EFL1: variants seen among roughly 807,000 people sequenced by gnomAD.
EFL1 encodes the protein elongation factor-like GTPase 1.
EFL1 carries 76 observed loss-of-function variants against 126.7 expected under a neutral mutation model. The observed-to-expected ratio is 0.60, with a 90% CI of 0.50 to 0.73. The LOEUF (loss-of-function observed/expected upper bound fraction) is 0.73, where lower values mean the gene tolerates loss of function less well. EFL1 is among the 30% of genes least tolerant of loss of function. EFL1 has a pLI of 0.00. For synonymous variants in EFL1, 410 were observed against 448.4 expected (o/e 0.91, Z 1.08); for missense variants, 1,128 against 1,343.2 (o/e 0.84, Z 2.50).
intron 17 of EFL1, among the ~76,000 whole-genome samples, chr15:82,153,340 T>C (rs1458585055): frequency 6.6e-6 from 1 of 152,230 alleles, no homozygotes; most frequent in Non-Finnish European, 1.5e-5. Flanking sequence ...ACTACTTTGA[T>C]ATTCAAACCT....
chr15:82,210,186 G>A (rs201916660), intron 15 of EFL1, among the ~76,000 whole-genome samples: 4 of 152,156 alleles, frequency 2.6e-5, no homozygotes, highest in African/African-American at 9.7e-5. Context: ...AATTATCTAC[G>A]ATTAGCAATG....
intron 7 of EFL1, 29 bp from the exon 8 acceptor site, chr15:82,231,000 T>C (rs1213575509): frequency 6.2e-7 from 1 of 1,604,444 alleles, no homozygotes; most frequent in Admixed American, 1.7e-5. Context: ...TTCATGTTAT[T>C]AATAACAACG....
intron 3 of EFL1, among the ~76,000 whole-genome samples, chr15:82,257,228 TTTAAG>T: frequency 6.6e-6 from 1 of 152,316 alleles, no homozygotes; most frequent in East Asian, 1.9e-4. Flanking sequence ...TTTTAGCACT[TTTAAG>T]TTTACTGGCA....
intron 19 of EFL1, among the ~76,000 whole-genome samples, chr15:82,135,432 C>A (rs1415659588): frequency 6.6e-6 from 1 of 152,044 alleles, no homozygotes; most frequent in African/African-American, 2.4e-5. Flanking sequence ...CTCTACCTTT[C>A]TTTGGTAATA....
At chr15:82,160,005 C>A (rs1567044942) in intron 16 of EFL1, 1 of 152,292 alleles carries the variant, frequency 6.6e-6, no homozygotes, top group Non-Finnish European at 1.5e-5. Flanking sequence ...GGTAGCCAGC[C>A]TCCAAGATGG....
At chr15:82,261,847 C>A in intron 1 of EFL1, 50 bp from the exon 2 acceptor site, 1 of 1,430,456 alleles carries the variant, frequency 7.0e-7, no homozygotes. Context: ...AAGGTCGGGG[C>A]AAAAGAAAAA....
chr15:82,221,900 CT>C (rs1299160852), intron 12 of EFL1, among the ~76,000 whole-genome samples: 1 of 152,194 alleles, frequency 6.6e-6, no homozygotes, highest in Non-Finnish European at 1.5e-5. Context: ...CTCTCCTTTC[CT>C]TTGAATCACC....
chr15:82,257,229 T>C (rs919708408), intron 3 of EFL1, among the ~76,000 whole-genome samples: 6 of 152,206 alleles, frequency 3.9e-5, no homozygotes, highest in African/African-American at 1.4e-4. Flanking sequence ...TTTAGCACTT[T>C]TAAGTTTACT....
Position 82,202,138 on chromosome 15 carries a change from A to G in EFL1, c.1750+12579T>C, listed in dbSNP as rs397834039. Among the ~76,000 whole-genome samples, 21 of 152,354 alleles carry G rather than the reference A, an allele frequency of 1.4e-4. No individual in the cohort carries two copies. The South Asian group carries it at 3.7e-3, about 27-fold the overall frequency. ...TTTTGAATCTTTGCAACACTGAATA[A>G]GAATGGAGAGGGAAAGTCAGAGTTT... On this transcript the variant is annotated intron_variant, in intron 15 of 19. Transcript: ENST00000268206.
chr15:82,150,219 T>C (rs1344926010), intron 18 of EFL1, among the ~76,000 whole-genome samples: 1 of 152,132 alleles, frequency 6.6e-6, no homozygotes, highest in Non-Finnish European at 1.5e-5. Context: ...AAAACCTTAA[T>C]GTGATGGAAG....
At chr15:82,236,378 A>G (rs1374206689) in intron 7 of EFL1, among the ~76,000 whole-genome samples, 3 of 152,214 alleles carry the variant, frequency 2.0e-5, no homozygotes, top group Non-Finnish European at 4.4e-5. Flanking sequence ...TGAAAATTAA[A>G]AATAATGTGG....
At chr15:82,141,648 T>A (rs1288039364) in intron 18 of EFL1, among the ~76,000 whole-genome samples, 1 of 136,078 alleles carries the variant, frequency 7.3e-6, no homozygotes, top group African/African-American at 2.8e-5. Context: ...CACTCCAACC[T>A]GGGCAATAGA....
At chr15:82,171,781 T>C (rs1416787825) in intron 15 of EFL1, among the ~76,000 whole-genome samples, 2 of 152,122 alleles carry the variant, frequency 1.3e-5, no homozygotes, top group African/African-American at 4.8e-5. Context: ...ACCAAAGTGA[T>C]AGAATCCATA....
At chr15:82,253,044 C>CT (rs112441286) in intron 3 of EFL1, among the ~76,000 whole-genome samples, 3,766 of 142,374 alleles carry the variant, frequency 0.026, 58 homozygotes, top group Non-Finnish European at 0.034. Flanking sequence ...TATATAGAGC[C>CT]TTTTTTTTTT....
chr15:82,233,038 C>G (rs1049598836), intron 7 of EFL1, among the ~76,000 whole-genome samples: 7 of 152,116 alleles, frequency 4.6e-5, no homozygotes, highest in Admixed American at 4.6e-4. Flanking sequence ...AATAAACACT[C>G]TAAAACCTCT....
chr15:82,175,920 T>C (rs750007654), intron 15 of EFL1, among the ~76,000 whole-genome samples: 1 of 152,128 alleles, frequency 6.6e-6, no homozygotes, highest in East Asian at 1.9e-4. Flanking sequence ...AAATACAAAC[T>C]GTAGGAATGC....
At position 82,157,974 on chromosome 15, in the gene EFL1, AATTT is replaced by A. The variant is rs1164427986; in HGVS notation, c.1883-118_1883-115del. On this transcript the variant is annotated intron_variant, in intron 16 of 19. Coordinates refer to ENST00000268206, the MANE Select transcript of EFL1 (RefSeq NM_024580.6). ...CATTGAAATAAACTCTTAAAACAAC[AATTT>A]ATTTTTCTTCCAGATAGTGTAGTGA... 4 of 1,197,118 alleles carry A rather than the reference AATTT, an allele frequency of 3.3e-6. No homozygotes were observed. In the African/African-American group the frequency reaches 6.1e-5, roughly 18 times the overall value. The allele number at this position is 1,197,118 out of a possible 1,614,324, so 74.2% of individuals were successfully genotyped here.
intron 18 of EFL1, among the ~76,000 whole-genome samples, chr15:82,141,698 A>C (rs946678707): frequency 2.6e-5 from 4 of 151,774 alleles, no homozygotes; most frequent in Non-Finnish European, 5.9e-5. Flanking sequence ...AAAAAAAAAA[A>C]AACAAAAAAG....
At chr15:82,249,055 A>AAT (rs2074997880) in intron 4 of EFL1, among the ~76,000 whole-genome samples, 1 of 152,080 alleles carries the variant, frequency 6.6e-6, no homozygotes, top group Non-Finnish European at 1.5e-5. Context: ...AAAAATTGAA[A>AAT]ATATAAAATA....
Sources: allele counts gnomAD v4.1 joint callset (sites outside exome capture counted in the v4.1 genomes callset), GRCh38; gene constraint gnomAD v4.1.1; transcripts MANE v1.5; gene names NCBI Gene and HGNC (gene_info 2026-07-23, HGNC 2026-07-21).